The following ASIC2 variants were observed in gnomAD, a reference collection of about 807,000 sequenced individuals.
ASIC2 encodes acid sensing ion channel subunit 2.
ASIC2 carries 25 observed loss-of-function variants against 57.3 expected under a neutral mutation model. That is an observed-to-expected ratio of 0.44 (90% CI 0.32 to 0.61). The LOEUF (loss-of-function observed/expected upper bound fraction) is 0.61, where lower values mean the gene tolerates loss of function less well. Among genes scored for constraint, ASIC2 ranks in the 20% least tolerant of loss-of-function variants. ASIC2 has a pLI of 0.06. For missense variants in ASIC2, 641 were observed against 738.1 expected (o/e 0.87, Z 1.52); for synonymous variants, 319 against 307.5 (o/e 1.04, Z -0.39).
intron 1 of ASIC2, among the ~76,000 whole-genome samples, chr17:33,440,231 A>G (rs763984807): frequency 1.2e-4 from 18 of 152,150 alleles, no homozygotes; most frequent in Admixed American, 3.9e-4. Context: ...AATGCCATAC[A>G]CATGAAAGTC....
At chr17:33,317,522 A>G (rs1030416423) in intron 1 of ASIC2, among the ~76,000 whole-genome samples, 5 of 152,236 alleles carry the variant, frequency 3.3e-5, no homozygotes, top group South Asian at 2.1e-4. Context: ...GGGACACCCA[A>G]TGAAAATTCC....
intron 1 of ASIC2, among the ~76,000 whole-genome samples, chr17:34,026,157 G>T (rs1907370454): frequency 6.6e-6 from 1 of 152,278 alleles, no homozygotes; most frequent in Non-Finnish European, 1.5e-5. Context: ...CAATAAGTTT[G>T]CTGGTATTTT....
At chr17:34,018,390 C>T (rs530812723) in intron 1 of ASIC2, among the ~76,000 whole-genome samples, 6 of 152,290 alleles carry the variant, frequency 3.9e-5, no homozygotes, top group South Asian at 2.1e-4. Flanking sequence ...CTGATGAAGA[C>T]GTACAAGGAG....
At chr17:33,511,772 T>A (rs1914438139) in intron 1 of ASIC2, among the ~76,000 whole-genome samples, 1 of 152,196 alleles carries the variant, frequency 6.6e-6, no homozygotes, top group South Asian at 2.1e-4. Flanking sequence ...CAGCCTGTAT[T>A]TAAAACCTTT....
chr17:33,302,071 T>G (rs1002528782), intron 1 of ASIC2, among the ~76,000 whole-genome samples: 2 of 152,218 alleles, frequency 1.3e-5, no homozygotes, highest in Non-Finnish European at 2.9e-5. Context: ...TCGGGCCACC[T>G]TCATAATTAA....
intron 1 of ASIC2, among the ~76,000 whole-genome samples, chr17:33,522,572 G>A (rs942608145): frequency 2.6e-5 from 4 of 152,098 alleles, no homozygotes; most frequent in Non-Finnish European, 4.4e-5. Flanking sequence ...AGTAATTCCC[G>A]TCTCCCAGAA....
intron 3 of ASIC2, among the ~76,000 whole-genome samples, chr17:33,076,009 T>G (rs1301236065): frequency 2.0e-5 from 3 of 152,130 alleles, no homozygotes; most frequent in Admixed American, 1.3e-4. Context: ...TAATTGAATC[T>G]CATCTAATCC....
chr17:33,331,347 A>G (rs990493402), intron 1 of ASIC2, among the ~76,000 whole-genome samples: 3 of 152,234 alleles, frequency 2.0e-5, no homozygotes, highest in African/African-American at 7.2e-5. Flanking sequence ...CCACATAAAG[A>G]AACTAAGGCT....
chr17:33,072,692 CT>C (rs1300002660), intron 3 of ASIC2, among the ~76,000 whole-genome samples: 3 of 152,292 alleles, frequency 2.0e-5, no homozygotes, highest in African/African-American at 7.2e-5. Flanking sequence ...GTATAGTGAT[CT>C]GCTCATGGCT....
chr17:33,290,198 T>C (rs1227181086), intron 1 of ASIC2, among the ~76,000 whole-genome samples: 1 of 152,218 alleles, frequency 6.6e-6, no homozygotes, highest in East Asian at 1.9e-4. Context: ...CAAGGAATAA[T>C]CCAATCAGCC....
At chr17:34,092,684 CTT>C (rs1478171652) in intron 1 of ASIC2, among the ~76,000 whole-genome samples, 1 of 152,154 alleles carries the variant, frequency 6.6e-6, no homozygotes, top group Admixed American at 6.5e-5. Flanking sequence ...TTTAAAATAA[CTT>C]TTATTATGCA....
At chr17:33,938,832 C>G (rs1916124297) in intron 1 of ASIC2, among the ~76,000 whole-genome samples, 1 of 152,240 alleles carries the variant, frequency 6.6e-6, no homozygotes, top group Non-Finnish European at 1.5e-5. Context: ...CTCAGTGACT[C>G]TGGGAGGCTG....
intron 1 of ASIC2, among the ~76,000 whole-genome samples, chr17:33,491,662 T>C (rs1913764061): frequency 6.6e-6 from 1 of 152,190 alleles, no homozygotes; most frequent in Admixed American, 6.5e-5. Context: ...GCCAGGCCCC[T>C]GTGTTAGAAG....
intron 1 of ASIC2, among the ~76,000 whole-genome samples, chr17:33,311,281 G>A (rs1411004914): frequency 2.0e-5 from 3 of 152,266 alleles, no homozygotes; most frequent in African/African-American, 4.8e-5. Context: ...CTTGCTTAAT[G>A]TTCCACATTA....
chr17:33,077,565 A>G (rs2092094124), intron 3 of ASIC2, among the ~76,000 whole-genome samples: 1 of 152,190 alleles, frequency 6.6e-6, no homozygotes. Flanking sequence ...GGAGAGAGAC[A>G]GAGAGTGAAA....
At chr17:33,913,496 C>T (rs1915512946) in intron 1 of ASIC2, among the ~76,000 whole-genome samples, 1 of 152,198 alleles carries the variant, frequency 6.6e-6, no homozygotes, top group South Asian at 2.1e-4. Flanking sequence ...GCAAAGACCT[C>T]CCCTTTAGCC....
chr17:34,010,739 CCATA>C (rs1191352273), intron 1 of ASIC2, among the ~76,000 whole-genome samples: 8 of 150,146 alleles, frequency 5.3e-5, no homozygotes. Context: ...AGAGAAACAC[CCATA>C]CAAACACTCA....
At chr17:33,240,586 G>T (rs16968180) in intron 1 of ASIC2, among the ~76,000 whole-genome samples, 294 of 152,322 alleles carry the variant, frequency 1.9e-3, no homozygotes, top group African/African-American at 6.9e-3. Context: ...GTCTGGATGA[G>T]AGTTTGCCAT....
intron 2 of ASIC2, among the ~76,000 whole-genome samples, chr17:33,102,931 C>A (rs541841118): frequency 4.8e-4 from 73 of 152,182 alleles, no homozygotes; most frequent in Non-Finnish European, 6.2e-4. Flanking sequence ...CTACAGGCGC[C>A]CACCACCACG....
Sources: allele counts gnomAD v4.1 joint callset (sites outside exome capture counted in the v4.1 genomes callset), GRCh38; gene constraint gnomAD v4.1.1; transcripts MANE v1.5; gene names NCBI Gene and HGNC (gene_info 2026-07-23, HGNC 2026-07-21).